GARIN5B: variants seen among roughly 807,000 people sequenced by gnomAD.
The protein encoded by GARIN5B is golgi associated RAB2 interactor family member 5B.
the GARIN5B span, chr19:55,358,096 T>G: frequency 1.6e-5 from 22 of 1,399,562 alleles, 1 homozygote; most frequent in South Asian, 3.4e-4. Context: ...CATCTCTGTC[T>G]CATAAACAGC....
chr19:55,359,553 G>A, the GARIN5B span: 1 of 1,551,400 alleles, frequency 6.4e-7, no homozygotes, highest in Non-Finnish European at 8.7e-7. Context: ...GCCTTCTGGG[G>A]AGGAGCCAAT....
the GARIN5B span, chr19:55,362,668 G>A: frequency 1.3e-6 from 2 of 1,546,060 alleles, no homozygotes; most frequent in African/African-American, 1.4e-5. Context: ...CAGGGAGGCG[G>A]CCACGCCCAT....
chr19:55,362,859 C>T, the GARIN5B span: 77 of 1,468,524 alleles, frequency 5.2e-5, no homozygotes, highest in African/African-American at 1.3e-4. Context: ...TCCCCCAGCA[C>T]GGGGGGCCTT....
the GARIN5B span, among the ~76,000 whole-genome samples, chr19:55,361,787 A>C: frequency 0.48 from 4,325 of 9,074 alleles, 1,449 homozygotes; most frequent in Non-Finnish European, 0.53. Context: ...TCCAGACCCC[A>C]CAGCCCCTCC....
chr19:55,358,136 C>T, the GARIN5B span: 70 of 1,460,030 alleles, frequency 4.8e-5, no homozygotes, highest in Admixed American at 1.3e-4. Flanking sequence ...AGCTGCTAAC[C>T]CCCGCTACCT....
chr19:55,361,488 T>C, the GARIN5B span: 7 of 1,446,584 alleles, frequency 4.8e-6, no homozygotes, highest in Non-Finnish European at 6.4e-6. Flanking sequence ...CTCCATAACC[T>C]ACCCAGCGAG....
At chr19:55,362,673 G>T in the GARIN5B span, 8 of 1,545,730 alleles carry the variant, frequency 5.2e-6, no homozygotes, top group Non-Finnish European at 7.0e-6. Flanking sequence ...AGGCGGCCAC[G>T]CCCATGGCCA....
At chr19:55,356,358 T>C in the GARIN5B span, among the ~76,000 whole-genome samples, 2 of 151,482 alleles carry the variant, frequency 1.3e-5, no homozygotes, top group South Asian at 4.2e-4. Flanking sequence ...CACAGGCACA[T>C]GGCACCATGC....
chr19:55,357,375 C>T, the GARIN5B span, among the ~76,000 whole-genome samples: 1 of 152,178 alleles, frequency 6.6e-6, no homozygotes, highest in Non-Finnish European at 1.5e-5. Context: ...CAAAGTCCTC[C>T]ATGATGGGCG....
chr19:55,362,365 G>A, the GARIN5B span: 1 of 1,550,646 alleles, frequency 6.4e-7, no homozygotes, highest in African/African-American at 1.4e-5. Context: ...GGCGGACCCA[G>A]CAGTGGAACA....
At chr19:55,361,758 C>T in the GARIN5B span, among the ~76,000 whole-genome samples, 3 of 40,956 alleles carry the variant, frequency 7.3e-5, 1 homozygote, top group Admixed American at 4.3e-4. Context: ...TGCCAGCCCT[C>T]CACCCTCAGA....
At chr19:55,359,644 T>A in the GARIN5B span, 1 of 1,550,508 alleles carries the variant, frequency 6.4e-7, no homozygotes, top group Non-Finnish European at 8.7e-7. Flanking sequence ...CCTTACAAGA[T>A]GTGACAAGGC....
At chr19:55,358,364 G>T in the GARIN5B span, 3 of 1,516,872 alleles carry the variant, frequency 2.0e-6, no homozygotes, top group East Asian at 2.5e-5. Flanking sequence ...TGAGATGAGG[G>T]TCTCCGAGAG....
the GARIN5B span, chr19:55,361,209 T>G: frequency 6.4e-7 from 1 of 1,551,078 alleles, no homozygotes; most frequent in African/African-American, 1.4e-5. Flanking sequence ...GCCACCGTCT[T>G]ATGCGGAAAG....
the GARIN5B span, chr19:55,361,436 T>C: frequency 2.1e-5 from 31 of 1,501,482 alleles, no homozygotes; most frequent in Non-Finnish European, 2.7e-5. Flanking sequence ...GGGCTGGTCC[T>C]GCAGAGATAG....
chr19:55,359,367 T>C, the GARIN5B span: 5 of 1,525,936 alleles, frequency 3.3e-6, no homozygotes, highest in Non-Finnish European at 3.5e-6. Flanking sequence ...GGTGGGGTCT[T>C]CTGGGGTGGG....
the GARIN5B span, chr19:55,359,385 C>G: frequency 1.3e-6 from 2 of 1,549,068 alleles, no homozygotes; most frequent in African/African-American, 2.8e-5. Flanking sequence ...GGGGCAGGTA[C>G]GGCTGAGGCC....
the GARIN5B span, chr19:55,361,043 G>A: frequency 6.4e-7 from 1 of 1,550,882 alleles, no homozygotes; most frequent in Non-Finnish European, 8.7e-7. Context: ...TGCTCCAGCT[G>A]CGACCAGATG....
chr19:55,355,290 C>A, the GARIN5B span: 1 of 1,546,440 alleles, frequency 6.5e-7, no homozygotes, highest in South Asian at 1.2e-5. Flanking sequence ...TGGACAGTTT[C>A]CAACTGAGGT....
Sources: gnomAD v4.1 joint callset for allele counts (sites outside exome capture counted in the v4.1 genomes callset) on GRCh38, gnomAD v4.1.1 for gene constraint, MANE v1.5 for transcripts, NCBI Gene and HGNC (gene_info 2026-07-23, HGNC 2026-07-21) for gene names.